PTPRS: variants seen among roughly 807,000 people sequenced by gnomAD.
The protein encoded by PTPRS is protein tyrosine phosphatase receptor type S.
A neutral mutation model predicts 215.3 loss-of-function variants in PTPRS; 63 were observed. That is an observed-to-expected ratio of 0.29 (90% CI 0.24 to 0.36). The LOEUF is 0.36. Ranked by LOEUF, PTPRS falls within the 10% of genes least tolerant of loss-of-function variation. The probability of loss-of-function intolerance (pLI) is 1.00; values close to 1 mark genes in which losing one functional copy is unlikely to be tolerated. For missense variants in PTPRS, 2,258 were observed against 2,825.8 expected (o/e 0.80, Z 4.56); for synonymous variants, 1,404 against 1,191.4 (o/e 1.18, Z -3.68).
At chr19:5,316,492 A>G (rs2147188110) in intron 1 of PTPRS, among the ~76,000 whole-genome samples, 1 of 152,256 alleles carries the variant, frequency 6.6e-6, no homozygotes, top group Non-Finnish European at 1.5e-5. Flanking sequence ...TCCCGGGTTC[A>G]AGCAATTCTC....
At chr19:5,263,321 G>A (rs1208342845) in intron 5 of PTPRS, among the ~76,000 whole-genome samples, 1 of 152,086 alleles carries the variant, frequency 6.6e-6, no homozygotes, top group Non-Finnish European at 1.5e-5. Flanking sequence ...TGTGAGGTCT[G>A]AGTCTCTCCA....
intron 14 of PTPRS, 48 bp downstream of exon 14, chr19:5,231,262 G>A (rs773690970): frequency 3.3e-6 from 5 of 1,538,164 alleles, no homozygotes; most frequent in East Asian, 4.6e-5. Context: ...CGAGGCGGGG[G>A]CCGGGCTGGG....
At chr19:5,300,240 CA>C (rs67349608) in intron 1 of PTPRS, among the ~76,000 whole-genome samples, 31,807 of 113,216 alleles carry the variant, frequency 0.28, 3,843 homozygotes, top group African/African-American at 0.37. Flanking sequence ...GACTCCATCT[CA>C]AAAAAAAAAA....
At position 5,245,783 on chromosome 19, in the gene PTPRS, C is replaced by G. The variant is rs77031077; in HGVS notation, c.981G>C (p.Thr327=). 5,133 of 1,596,668 alleles carry G rather than the reference C, an allele frequency of 3.2e-3. 121 individuals are homozygous for G. The African/African-American group carries it at 0.059, about 18-fold the overall frequency. The change falls in exon 10 of 38, where the codon ACG becomes ACC. Residue 327 remains threonine, a synonymous_variant. Transcript: ENST00000262963. ...CCCATGGGCCCTGCTCACATTTCAC[C>G]GTGATCTGAGCAACCGCCTCAATGA... The part of the protein sequence containing the change: ...LGVIEAVAQI[T]VKSLPKAPGT...
intron 14 of PTPRS, among the ~76,000 whole-genome samples, chr19:5,230,284 T>C (rs1451808038): frequency 6.6e-6 from 1 of 152,172 alleles, no homozygotes; most frequent in African/African-American, 2.4e-5. Flanking sequence ...ACGAATCAGG[T>C]TCCCAGGACC....
At chr19:5,246,171 GAAAGAAAA>G (rs1242942416) in intron 9 of PTPRS, 126 bp from the exon 10 acceptor site, 1 of 485,954 alleles carries the variant, frequency 2.1e-6, no homozygotes, top group Non-Finnish European at 3.3e-6. Context: ...AAGAAGGAAA[GAAAGAAAA>G]AAAGAAAAAA....
At chr19:5,229,294 G>A (rs755490199) in intron 16 of PTPRS, 22 bp downstream of exon 16, 3 of 1,377,970 alleles carry the variant, frequency 2.2e-6, no homozygotes, top group Non-Finnish European at 2.8e-6. Flanking sequence ...GCAGTAGGTG[G>A]GTGGCCAGGG....
intron 26 of PTPRS, among the ~76,000 whole-genome samples, chr19:5,215,991 C>T (rs2041405351): frequency 6.6e-6 from 1 of 152,166 alleles, no homozygotes. Context: ...AATTAAATTG[C>T]AGACGCAGCC....
At chr19:5,331,518 T>A (rs1036555076) in intron 1 of PTPRS, among the ~76,000 whole-genome samples, 1 of 151,960 alleles carries the variant, frequency 6.6e-6, no homozygotes, top group African/African-American at 2.4e-5. Flanking sequence ...TTACACAGAG[T>A]TGAGCAGCAT....
chr19:5,303,954 A>AAAAAAAAAAAAAAAAAAAATAAAAAT, intron 1 of PTPRS, among the ~76,000 whole-genome samples: 1 of 132,254 alleles, frequency 7.6e-6, no homozygotes, highest in African/African-American at 3.1e-5. Flanking sequence ...CTGTCTCAAA[A>AAAAAAAAAAAAAAAAAAAATAAAAAT]AATAATAATA....
At chr19:5,254,124 T>A (rs1599720560) in intron 9 of PTPRS, among the ~76,000 whole-genome samples, 1 of 152,276 alleles carries the variant, frequency 6.6e-6, no homozygotes, top group Admixed American at 6.5e-5. Flanking sequence ...TCAGTTCCAA[T>A]GCACCAGCAC....
At chr19:5,311,776 C>G (rs903792709) in intron 1 of PTPRS, among the ~76,000 whole-genome samples, 4 of 152,160 alleles carry the variant, frequency 2.6e-5, no homozygotes, top group Non-Finnish European at 5.9e-5. Context: ...TGCGGTGGCT[C>G]ACGCCTGTAA....
At position 5,223,055 on chromosome 19, in the gene PTPRS, G is replaced by T. The variant is rs1354306749; in HGVS notation, c.2737C>A (p.Leu913Met). Reference sequence around the variant, plus strand: ...AGGACCTCGGCTGCCTCCTCGCCCAGGCCGCCGCGGCTCCGGGCCGCAAGC... The same window carrying T: ...AGGACCTCGGCTGCCTCCTCGCCCATGCCGCCGCGGCTCCGGGCCGCAAGC... ...FRLAARSRGG[L>M]GEEAAEVLSI... Residue 913 changes from leucine (L) to methionine (M), a missense_variant, in exon 18 of 38, where the codon CTG becomes ATG. Leu to Met is a conservative substitution (Grantham distance 15). Coordinates refer to ENST00000262963, the MANE Select transcript of PTPRS (RefSeq NM_002850.4). The T allele has an allele frequency of 1.3e-6, 2 of 1,550,444 alleles. No homozygotes were observed. Among genetic ancestry groups the T allele is most frequent in the East Asian group, 2.4e-5 (1 of 41,340 alleles).
Position 5,223,223 on chromosome 19 carries a change from C to T in PTPRS, c.2569G>A (p.Gly857Ser). 6.7e-7 allele frequency: 1 copy of T among 1,496,864 alleles called. No homozygotes were observed. Among genetic ancestry groups the T allele is most frequent in the Non-Finnish European group, 8.9e-7 (1 of 1,122,986 alleles). 92.7% of individuals were successfully genotyped at this position (1,496,864 alleles called of 1,614,324 possible). The change falls in exon 18 of 38, where the codon GGC becomes AGC. Residue 857 changes from glycine (G) to serine (S), a missense_variant. Transcript: ENST00000262963. Reference protein sequence around the residue: ...SLLARWEPPAGTAEDQVLGYR... With the variant: ...SLLARWEPPASTAEDQVLGYR... ...CCCAGCACCTGGTCCTCCGCGGTGC[C>T]AGCCGGGGGCTCCCAGCGTGCCAGC...
chr19:5,263,183 C>T (rs1235432882), intron 5 of PTPRS, among the ~76,000 whole-genome samples: 3 of 152,014 alleles, frequency 2.0e-5, no homozygotes, highest in African/African-American at 7.3e-5. Flanking sequence ...GAGAGGTCAC[C>T]AGAACACAAG....
rs2049122932 is a variant in PTPRS at position 5,295,988 on chromosome 19, T to C, written c.-94-9754A>G. 6.6e-6 allele frequency among the ~76,000 whole-genome samples: 1 copy of C among 152,064 alleles called. No homozygotes were observed. Among genetic ancestry groups the C allele is most frequent in the South Asian group, 2.1e-4 (1 of 4,820 alleles). The stretch of plus-strand genomic sequence containing the variant: ...CCCGACTGGTCTCGAACTCCTAGAC[T>C]CAAGTGAACCTCCTGCCTCAGCCTC... On this transcript the variant is annotated intron_variant, in intron 1 of 37. Coordinates refer to ENST00000262963, the MANE Select transcript of PTPRS (RefSeq NM_002850.4). The surrounding 1 kb of genome is among the most constrained non-coding windows in gnomAD (Gnocchi z 4.6).
At position 5,244,121 on chromosome 19, in the gene PTPRS, C is replaced by G; in HGVS notation, c.1350G>C (p.Pro450=). Reference sequence around the variant, plus strand: ...CGCGGATCAGGCCGTTGGGCTCCACCGGCTCCTCCCACTGCACAATCATGG... The same window carrying G: ...CGCGGATCAGGCCGTTGGGCTCCACGGGCTCCTCCCACTGCACAATCATGG... ...ATTMIVQWEE[P]VEPNGLIRGY... The change falls in exon 11 of 38, where the codon CCG becomes CCC. Residue 450 remains proline, a synonymous_variant. Transcript: ENST00000262963. The surrounding 1 kb of genome is among the most constrained non-coding windows in gnomAD (Gnocchi z 7.2). The G allele has an allele frequency of 6.2e-7, 1 of 1,606,768 alleles. No homozygotes were observed. Among genetic ancestry groups the G allele is most frequent in the Non-Finnish European group, 8.5e-7 (1 of 1,177,640 alleles).
At chr19:5,332,589 G>A (rs1045886644) in intron 1 of PTPRS, among the ~76,000 whole-genome samples, 1 of 152,154 alleles carries the variant, frequency 6.6e-6, no homozygotes, top group African/African-American at 2.4e-5. Flanking sequence ...AGGCGTTATG[G>A]CTTGAGAATC....
chr19:5,278,039 T>C, intron 2 of PTPRS: 1 of 1,194,706 alleles, frequency 8.4e-7, no homozygotes, highest in Non-Finnish European at 1.2e-6. Context: ...CTCACAGTGT[T>C]TCCTCCAAGA....
Sources: allele counts gnomAD v4.1 joint callset (sites outside exome capture counted in the v4.1 genomes callset), GRCh38; gene constraint gnomAD v4.1.1; non-coding constraint Gnocchi (gnomAD v3.1); transcripts MANE v1.5; gene names NCBI Gene and HGNC (gene_info 2026-07-23, HGNC 2026-07-21).